The following PRKCE variants were observed in gnomAD, a reference collection of about 807,000 sequenced individuals.
PRKCE encodes the protein protein kinase C epsilon.
Under a neutral mutation model 85.4 loss-of-function variants are expected in PRKCE, and 16 were observed. The ratio of observed to expected loss-of-function variants is 0.19; its 90% CI spans 0.13 to 0.28. The LOEUF is 0.28. Among genes scored for constraint, PRKCE ranks in the 10% least tolerant of loss-of-function variants. The pLI, the probability that PRKCE is intolerant of heterozygous loss-of-function variation, is 1.00. For missense variants in PRKCE, 573 were observed against 975.2 expected (o/e 0.59, Z 5.49); for synonymous variants, 388 against 371.5 (o/e 1.04, Z -0.51).
chr2:45,670,555 C>G (rs796175604), intron 1 of PRKCE, among the ~76,000 whole-genome samples: 32 of 151,894 alleles, frequency 2.1e-4, no homozygotes, highest in African/African-American at 7.7e-4. Context: ...ACTGTGAGTC[C>G]CAGTTTAAAA....
chr2:45,962,580 G>A (rs565145990), intron 2 of PRKCE, among the ~76,000 whole-genome samples: 1 of 152,268 alleles, frequency 6.6e-6, no homozygotes, highest in African/African-American at 2.4e-5. Flanking sequence ...GTTTCTCTTG[G>A]TTGCAGAGCT....
chr2:45,842,824 G>A (rs376428444), intron 1 of PRKCE, among the ~76,000 whole-genome samples, 176 bp from the exon 2 acceptor site: 6 of 152,260 alleles, frequency 3.9e-5, no homozygotes, highest in Middle Eastern at 3.4e-3. Context: ...CTACCTATGG[G>A]GTATGCATCA....
rs571714406 is a variant in PRKCE, at chr2:46,156,798, T to TA, written c.1921-2802dup. On this transcript the variant is annotated intron_variant, in intron 13 of 14. Coordinates refer to ENST00000306156, the MANE Select transcript of PRKCE (RefSeq NM_005400.3). ...CTGGTTTGATCACATGCTATTTTTT[T>TA]AAAAAACACAAAGCATAAAATCAGA... Among the ~76,000 whole-genome samples, 20 of 152,288 alleles carry TA rather than the reference T, an allele frequency of 1.3e-4. No individual in the cohort carries two copies. The South Asian group carries it at 3.7e-3, about 28-fold the overall frequency.
chr2:46,179,181 G>A (rs947522383), intron 14 of PRKCE, among the ~76,000 whole-genome samples: 2 of 152,196 alleles, frequency 1.3e-5, no homozygotes, highest in African/African-American at 4.8e-5. Flanking sequence ...AGTTTTCTCA[G>A]TGCTTTAAAA....
intron 10 of PRKCE, among the ~76,000 whole-genome samples, chr2:46,049,701 G>T (rs1708739072): frequency 6.6e-6 from 1 of 152,196 alleles, no homozygotes; most frequent in African/African-American, 2.4e-5. Context: ...TTTCCACTCT[G>T]CATTCTCGTA....
At chr2:46,032,473 C>A (rs896895830) in intron 10 of PRKCE, among the ~76,000 whole-genome samples, 2 of 152,194 alleles carry the variant, frequency 1.3e-5, no homozygotes, top group Non-Finnish European at 2.9e-5. Flanking sequence ...TAATTATGGT[C>A]AGGCCACCTC....
intron 1 of PRKCE, among the ~76,000 whole-genome samples, chr2:45,744,414 TTTC>T (rs1418579413): frequency 2.1e-4 from 2 of 9,734 alleles, no homozygotes; most frequent in East Asian, 0.013. Context: ...TTTCTTTTCT[TTTC>T]TTTCTTTCTT....
At chr2:45,962,768 C>T (rs1011580107) in intron 2 of PRKCE, among the ~76,000 whole-genome samples, 10 of 152,066 alleles carry the variant, frequency 6.6e-5, no homozygotes, top group African/African-American at 2.4e-4. Flanking sequence ...GTGCCAGCAG[C>T]GGGGGTGTCA....
chr2:46,029,384 TA>T (rs1476877366), intron 10 of PRKCE, among the ~76,000 whole-genome samples: 1 of 152,194 alleles, frequency 6.6e-6, no homozygotes, highest in Non-Finnish European at 1.5e-5. Context: ...ACAACTTTTT[TA>T]TTTCCCCATT....
intron 1 of PRKCE, chr2:45,700,778 G>A (rs1456452529): frequency 6.6e-6 from 1 of 152,194 alleles, no homozygotes; most frequent in Non-Finnish European, 1.5e-5. Context: ...GAAGTCACTG[G>A]GGTAGGCTCG....
At chr2:45,848,977 G>C (rs60063587) in intron 2 of PRKCE, among the ~76,000 whole-genome samples, 30,647 of 152,070 alleles carry the variant, frequency 0.2, 3,569 homozygotes, top group Non-Finnish European at 0.25. Context: ...AGGGAATCAT[G>C]TCATCATTAT....
rs1045561453 is a variant in PRKCE at position 46,086,887 on chromosome 2, C to T, written c.1592+525C>T. ...CTAGACAATATCCAACAGGAAGTTA[C>T]TTTTTGCAGATCATCCAATCCTTTA... is the stretch of plus-strand genomic sequence containing the variant. On this transcript the variant is annotated intron_variant, in intron 11 of 14. Transcript: ENST00000306156. Among the ~76,000 whole-genome samples, 3 of 152,110 alleles carry T rather than the reference C, an allele frequency of 2.0e-5. No homozygotes were observed. In the East Asian group the frequency reaches 5.8e-4, roughly 29 times the overall value.
intron 10 of PRKCE, among the ~76,000 whole-genome samples, chr2:46,036,137 A>T (rs1391712117): frequency 6.6e-6 from 1 of 152,182 alleles, no homozygotes; most frequent in African/African-American, 2.4e-5. Flanking sequence ...TGGCCCGTGC[A>T]AAAGTCCTGT....
chr2:45,668,068 C>T (rs1465835043), intron 1 of PRKCE, among the ~76,000 whole-genome samples: 3 of 152,246 alleles, frequency 2.0e-5, no homozygotes, highest in South Asian at 2.1e-4. Context: ...CGGCTGGGCA[C>T]GGTGGCTTAT....
intron 10 of PRKCE, among the ~76,000 whole-genome samples, chr2:46,064,216 A>T (rs1248011268): frequency 7.0e-6 from 1 of 142,006 alleles, no homozygotes; most frequent in Non-Finnish European, 1.5e-5. Flanking sequence ...TGGGAGGTGG[A>T]GGTTGAAGTG....
intron 2 of PRKCE, among the ~76,000 whole-genome samples, chr2:45,939,378 T>C (rs1383228417): frequency 6.6e-6 from 1 of 152,184 alleles, no homozygotes; most frequent in Non-Finnish European, 1.5e-5. Context: ...AGTTGGGCCT[T>C]GGAGCTGCCC....
chr2:46,056,707 G>T (rs1343716264), intron 10 of PRKCE, among the ~76,000 whole-genome samples: 1 of 152,114 alleles, frequency 6.6e-6, no homozygotes, highest in East Asian at 1.9e-4. Context: ...GTTAGATTTT[G>T]CCATCATCAT....
chr2:45,750,461 T>C (rs73926055), intron 1 of PRKCE, among the ~76,000 whole-genome samples: 100 of 152,324 alleles, frequency 6.6e-4, no homozygotes, highest in African/African-American at 2.3e-3. Context: ...TCCCATTGCC[T>C]TGGTGTAGAG....
At chr2:45,966,313 C>T (rs1184610855) in intron 2 of PRKCE, among the ~76,000 whole-genome samples, 1 of 152,158 alleles carries the variant, frequency 6.6e-6, no homozygotes, top group East Asian at 1.9e-4. Flanking sequence ...GCGTGAGATA[C>T]TATCTCGCAC....
Sources: allele counts gnomAD v4.1 joint callset (sites outside exome capture counted in the v4.1 genomes callset), GRCh38; gene constraint gnomAD v4.1.1; transcripts MANE v1.5; gene names NCBI Gene and HGNC (gene_info 2026-07-23, HGNC 2026-07-21).